B3GNT2: variants seen among roughly 807,000 people sequenced by gnomAD.
The protein encoded by B3GNT2 is N-acetyllactosaminide beta-1,3-N-acetylglucosaminyltransferase 2.
Under a neutral mutation model 27.6 loss-of-function variants are expected in B3GNT2, and 12 were observed. That is an observed-to-expected ratio of 0.44 (90% CI 0.28 to 0.71). B3GNT2 has a LOEUF of 0.71. B3GNT2 is among the 30% of genes least tolerant of loss of function. B3GNT2 has a pLI of 0.17. For synonymous variants in B3GNT2, 192 were observed against 189.7 expected (o/e 1.01, Z -0.10); for missense variants, 413 against 488.5 (o/e 0.85, Z 1.46).
Position 62,222,705 on chromosome 2 carries a change from G to C in B3GNT2, c.485G>C (p.Arg162Pro). The C allele has an allele frequency of 6.2e-7, 1 of 1,614,172 alleles. No homozygotes were observed. The highest frequency in any genetic ancestry group is 2.2e-5 in the East Asian group (1 of 44,890). Residue 162 changes from arginine to proline, a missense_variant, in exon 2 of 2, where the codon CGG becomes CCG. Physicochemically the swap from Arg to Pro is moderately radical, Grantham distance 103. Coordinates refer to ENST00000301998, the MANE Select transcript of B3GNT2 (RefSeq NM_006577.6). This position sits in a 1 kb window ranked among gnomAD's most constrained non-coding sequence, Gnocchi z 4.2. ...TPHFARRQAIRESWGQESNAG... is the reference protein window; with the variant it reads ...TPHFARRQAIPESWGQESNAG... ...CATTTTGCCAGAAGGCAAGCAATCCGGGAATCCTGGGGCCAAGAAAGCAAC... is the reference window on the plus strand; with the variant it reads ...CATTTTGCCAGAAGGCAAGCAATCCCGGAATCCTGGGGCCAAGAAAGCAAC...
intron 1 of B3GNT2, among the ~76,000 whole-genome samples, chr2:62,197,964 T>G (rs573775194): frequency 6.6e-6 from 1 of 152,348 alleles, no homozygotes; most frequent in Admixed American, 6.5e-5. Context: ...TAAACCAGAT[T>G]AGATTTTAAG....
intron 1 of B3GNT2, among the ~76,000 whole-genome samples, chr2:62,198,832 A>G (rs1674206519): frequency 6.6e-6 from 1 of 152,216 alleles, no homozygotes; most frequent in Non-Finnish European, 1.5e-5. Flanking sequence ...TTAGTGAGGC[A>G]TCGTTGGTAT....
intron 1 of B3GNT2, among the ~76,000 whole-genome samples, chr2:62,198,617 T>C (rs554124701): frequency 6.6e-6 from 1 of 152,254 alleles, no homozygotes; most frequent in Non-Finnish European, 1.5e-5. Context: ...TCAAAAATTA[T>C]GAATTTTTTT....
chr2:62,222,659 G>A lies in B3GNT2; in HGVS notation c.439G>A (p.Ala147Thr). 1 of 1,614,218 alleles carries A rather than the reference G, an allele frequency of 6.2e-7. No homozygotes were observed. Among genetic ancestry groups the A allele is most frequent in the Non-Finnish European group, 8.5e-7 (1 of 1,180,044 alleles). Residue 147 changes from alanine to threonine, a missense_variant, in exon 2 of 2, where the codon GCG (alanine) becomes ACG (threonine). Coordinates refer to ENST00000301998, the MANE Select transcript of B3GNT2 (RefSeq NM_006577.6). This position sits in a 1 kb window ranked among gnomAD's most constrained non-coding sequence, Gnocchi z 4.2. The part of the protein sequence containing the change: ...KCAKKPFLLL[A>T]IKSLTPHFAR... The stretch of plus-strand genomic sequence containing the variant: ...TGCAAAGAAACCTTTCTTGTTGCTG[G>A]CGATTAAGTCCCTCACTCCACATTT...
At chr2:62,199,925 G>T (rs1674229987) in intron 1 of B3GNT2, among the ~76,000 whole-genome samples, 2 of 152,218 alleles carry the variant, frequency 1.3e-5, no homozygotes, top group Admixed American at 1.3e-4. Context: ...TTGATGTAAT[G>T]ATTTCATCAT....
At chr2:62,201,918 A>G (rs576390889) in intron 1 of B3GNT2, among the ~76,000 whole-genome samples, 1 of 152,346 alleles carries the variant, frequency 6.6e-6, no homozygotes, top group African/African-American at 2.4e-5. Context: ...TCGTAGGCCT[A>G]AGTTCAAATC....
intron 1 of B3GNT2, among the ~76,000 whole-genome samples, chr2:62,210,076 A>T (rs1674452412): frequency 6.6e-6 from 1 of 152,224 alleles, no homozygotes; most frequent in African/African-American, 2.4e-5. Flanking sequence ...GAAAGAAAAA[A>T]AAATTCGATT....
chr2:62,217,401 C>T lies in B3GNT2; in HGVS notation c.-9-4811C>T, dbSNP rs77552176. 4.4e-3 allele frequency among the ~76,000 whole-genome samples: 664 copies of T among 152,252 alleles called. 2 individuals are homozygous for T. Among genetic ancestry groups the T allele is most frequent in the Non-Finnish European group, 7.1e-3 (484 of 68,024 alleles). The stretch of plus-strand genomic sequence containing the variant: ...CCGTGCCCCCTACCCTGTGCCTCAG[C>T]GAAATAAGCAGTGGGAATTTAGAGT... On this transcript the variant is annotated intron_variant, in intron 1 of 1. Coordinates refer to ENST00000301998, the MANE Select transcript of B3GNT2 (RefSeq NM_006577.6).
intron 1 of B3GNT2, among the ~76,000 whole-genome samples, chr2:62,215,879 A>T (rs764311602): frequency 3.3e-5 from 5 of 152,062 alleles, no homozygotes; most frequent in Non-Finnish European, 5.9e-5. Flanking sequence ...GGTGGGGGTG[A>T]CTGGTCATTT....
At position 62,223,283 on chromosome 2, in the gene B3GNT2, A is replaced by C; in HGVS notation, c.1063A>C (p.Thr355Pro). ...LVPEKHKGFR[T>P]FDIEEKNKNN... ...TCCAGAGAAACACAAAGGCTTCAGG[A>C]CATTTGATATCGAGGAGAAAAACAA... The change falls in exon 2 of 2, where the codon ACA becomes CCA. Residue 355 changes from threonine to proline, a missense_variant. Thr to Pro is a conservative substitution (Grantham distance 38). Coordinates refer to ENST00000301998, the MANE Select transcript of B3GNT2 (RefSeq NM_006577.6). The C allele has an allele frequency of 6.2e-7, 1 of 1,614,234 alleles. No individual in the cohort carries two copies. Among genetic ancestry groups the C allele is most frequent in the Non-Finnish European group, 8.5e-7 (1 of 1,180,032 alleles).
intron 1 of B3GNT2, among the ~76,000 whole-genome samples, chr2:62,204,142 T>G (rs1674323907): frequency 6.6e-6 from 1 of 152,182 alleles, no homozygotes; most frequent in South Asian, 2.1e-4. Flanking sequence ...TTCTCCTGCC[T>G]CAGTCTCCTG....
chr2:62,217,255 C>A (rs888483203), intron 1 of B3GNT2, among the ~76,000 whole-genome samples: 1 of 152,150 alleles, frequency 6.6e-6, no homozygotes, highest in Non-Finnish European at 1.5e-5. Flanking sequence ...CGTTTGCTTC[C>A]GTGATTGTGT....
chr2:62,196,884 C>A (rs973099074), intron 1 of B3GNT2, among the ~76,000 whole-genome samples: 1 of 152,098 alleles, frequency 6.6e-6, no homozygotes, highest in Non-Finnish European at 1.5e-5. Flanking sequence ...CCTCCCGTGC[C>A]GCATGGGGAG....
rs1437528038 is a variant in B3GNT2 at position 62,223,020 on chromosome 2, C to G, written c.800C>G (p.Ala267Gly). 6.2e-7 allele frequency: 1 copy of G among 1,614,168 alleles called. No individual in the cohort carries two copies. Among genetic ancestry groups the G allele is most frequent in the South Asian group, 1.1e-5 (1 of 91,084 alleles). The part of the protein sequence containing the change: ...NYLNSLSKTK[A>G]KDLFIGDVIH... ...TTGAATAGTTTATCCAAGACCAAAGCCAAAGATCTCTTCATAGGTGATGTG... is the reference window on the plus strand; with the variant it reads ...TTGAATAGTTTATCCAAGACCAAAGGCAAAGATCTCTTCATAGGTGATGTG... The change falls in exon 2 of 2, where the codon GCC becomes GGC. Residue 267 changes from alanine (A) to glycine (G), a missense_variant. Ala to Gly is a moderately conservative substitution (Grantham distance 60). Transcript: ENST00000301998.
At position 62,223,018 on chromosome 2, in the gene B3GNT2, A is replaced by G. The variant is rs752180320; in HGVS notation, c.798A>G (p.Lys266=). ...ACTTGAATAGTTTATCCAAGACCAA[A>G]GCCAAAGATCTCTTCATAGGTGATG... ...LNYLNSLSKT[K]AKDLFIGDVI... Residue 266 remains lysine (K), a synonymous_variant, in exon 2 of 2, where the codon AAA becomes AAG. Coordinates refer to ENST00000301998, the MANE Select transcript of B3GNT2 (RefSeq NM_006577.6). The G allele has an allele frequency of 1.9e-6, 3 of 1,614,088 alleles. No individual in the cohort carries two copies. The highest frequency in any genetic ancestry group is 2.5e-6 in the Non-Finnish European group (3 of 1,180,048).
intron 1 of B3GNT2, among the ~76,000 whole-genome samples, chr2:62,207,001 G>A (rs1188725014): frequency 6.6e-6 from 1 of 152,176 alleles, no homozygotes; most frequent in Non-Finnish European, 1.5e-5. Flanking sequence ...AATGTCATTT[G>A]TATAATTGTG....
rs1674705573 is a variant in B3GNT2, at chr2:62,222,013, T to G, written c.-9-199T>G. Among the ~76,000 whole-genome samples the G allele has an allele frequency of 1.3e-5, 2 of 152,320 alleles. No individual in the cohort carries two copies. The highest frequency in any genetic ancestry group is 4.1e-4 in the South Asian group (2 of 4,824). On this transcript the variant is annotated intron_variant, in intron 1 of 1. Transcript: ENST00000301998. The surrounding 1 kb of genome is among the most constrained non-coding windows in gnomAD (Gnocchi z 4.2). ...GTGGGCTTGATTCCCATTTTATATA[T>G]GGAGAAGTTGAGACAGGGACTATCC...
At chr2:62,221,675 TAGAAG>T (rs1372729917) in intron 1 of B3GNT2, among the ~76,000 whole-genome samples, 1 of 152,198 alleles carries the variant, frequency 6.6e-6, no homozygotes, top group Non-Finnish European at 1.5e-5. Context: ...TCAAATGAAA[TAGAAG>T]AGAACTTGAG....
intron 1 of B3GNT2, among the ~76,000 whole-genome samples, chr2:62,212,600 G>A (rs1176457869): frequency 6.6e-6 from 1 of 151,580 alleles, no homozygotes; most frequent in Non-Finnish European, 1.5e-5. Context: ...TTGCTTGCCT[G>A]TACCCTAGAG....
Sources: allele counts gnomAD v4.1 joint callset (sites outside exome capture counted in the v4.1 genomes callset), GRCh38; gene constraint gnomAD v4.1.1; non-coding constraint Gnocchi (gnomAD v3.1); transcripts MANE v1.5; gene names NCBI Gene and HGNC (gene_info 2026-07-23, HGNC 2026-07-21).